The following C1orf21 variants were observed in gnomAD, a reference collection of about 807,000 sequenced individuals.
C1orf21 encodes chromosome 1 open reading frame 21, also known as uncharacterized protein C1orf21.
C1orf21 carries 3 observed loss-of-function variants against 18.7 expected under a neutral mutation model. That is an observed-to-expected ratio of 0.16 (90% CI 0.07 to 0.42). The LOEUF is 0.42. Among genes scored for constraint, C1orf21 ranks in the 10% least tolerant of loss-of-function variants. The pLI is 0.99. For synonymous variants in C1orf21, 41 were observed against 46.4 expected (o/e 0.88, Z 0.47); for missense variants, 104 against 143.6 (o/e 0.72, Z 1.41).
intron 3 of C1orf21, among the ~76,000 whole-genome samples, chr1:184,534,958 A>T (rs1335676387): frequency 1.3e-5 from 2 of 152,108 alleles, no homozygotes; most frequent in South Asian, 2.1e-4. Flanking sequence ...GGCAGCAAAG[A>T]GGAGCAGTGA....
intron 3 of C1orf21, among the ~76,000 whole-genome samples, chr1:184,586,600 G>A (rs1659357721): frequency 6.6e-6 from 1 of 152,010 alleles, no homozygotes; most frequent in Non-Finnish European, 1.5e-5. Flanking sequence ...CTTTTTAATG[G>A]GGGTTGTTTG....
chr1:184,428,377 A>T (rs911523273), intron 1 of C1orf21, among the ~76,000 whole-genome samples: 2 of 152,338 alleles, frequency 1.3e-5, no homozygotes, highest in South Asian at 4.1e-4. Context: ...GAGGAAGAGG[A>T]TAGGAGGCAG....
chr1:184,507,034 G>T (rs1658073601), intron 2 of C1orf21, among the ~76,000 whole-genome samples: 1 of 151,018 alleles, frequency 6.6e-6, no homozygotes, highest in Admixed American at 6.6e-5. Context: ...TGAAATAATT[G>T]CAGACTGCTA....
rs1656433476 is a variant in C1orf21, at chr1:184,415,401, T to A, written c.-125+28033T>A. Among the ~76,000 whole-genome samples the A allele has an allele frequency of 2.6e-5, 4 of 152,166 alleles. No homozygotes were observed. The South Asian group carries it at 8.3e-4, about 32-fold the overall frequency. On this transcript the variant is annotated intron_variant, in intron 1 of 5. Transcript: ENST00000235307. Reference sequence around the variant, plus strand: ...TCTAGGAAGATAATTGAAGCAACAGTTCCTGGGTTTTACTAACAGATAATC... The same window carrying A: ...TCTAGGAAGATAATTGAAGCAACAGATCCTGGGTTTTACTAACAGATAATC...
At position 184,410,638 on chromosome 1, in the gene C1orf21, TATATATATATATATATATA is replaced by T. The variant is rs1557964993; in HGVS notation, c.-125+23271_-125+23289del. Among the ~76,000 whole-genome samples the T allele has an allele frequency of 2.6e-3, 11 of 4,158 alleles. 3 individuals are homozygous for T. The highest frequency in any genetic ancestry group is 0.022 in the African/African-American group (4 of 178). The allele number at this position is 4,158 out of a possible 152,430, so 2.7% of individuals were successfully genotyped here. On this transcript the variant is annotated intron_variant, in intron 1 of 5. Transcript: ENST00000235307. Reference sequence around the variant, plus strand: ...TATATTATATATATATATATATATATATATATATATATATATATATATATATTTTTTTTTTTTTTTTTTG... The same window carrying T: ...TATATTATATATATATATATATATATTATATATTTTTTTTTTTTTTTTTTG...
At chr1:184,550,379 A>G (rs1012908109) in intron 3 of C1orf21, among the ~76,000 whole-genome samples, 16 of 152,210 alleles carry the variant, frequency 1.1e-4, no homozygotes, top group African/African-American at 2.2e-4. Flanking sequence ...TTATAATACT[A>G]TTTAGAACAC....
intron 3 of C1orf21, among the ~76,000 whole-genome samples, chr1:184,544,427 C>A (rs1219099049): frequency 1.3e-5 from 2 of 152,142 alleles, no homozygotes; most frequent in African/African-American, 4.8e-5. Context: ...TCAAAGCAAT[C>A]AGATGCCATT....
chr1:184,439,686 C>T lies in C1orf21; in HGVS notation c.-124-37700C>T, dbSNP rs1288568896. On this transcript the variant is annotated intron_variant, in intron 1 of 5. Transcript: ENST00000235307. Reference sequence around the variant, plus strand: ...TACATTATGGCTGGGCACAGTGGCTCACGCCTGTAATCCCAGCAATTTGGG... The same window carrying T: ...TACATTATGGCTGGGCACAGTGGCTTACGCCTGTAATCCCAGCAATTTGGG... 2.6e-5 allele frequency among the ~76,000 whole-genome samples: 4 copies of T among 152,286 alleles called. No homozygotes were observed. The East Asian group carries it at 7.7e-4, about 29-fold the overall frequency.
At chr1:184,533,806 G>A (rs1032847229) in intron 3 of C1orf21, among the ~76,000 whole-genome samples, 5 of 152,342 alleles carry the variant, frequency 3.3e-5, no homozygotes, top group African/African-American at 9.6e-5. Context: ...GGGCTGGGGA[G>A]TGGGCAGTGA....
chr1:184,485,556 G>A (rs1354869441), intron 2 of C1orf21, among the ~76,000 whole-genome samples: 3 of 152,160 alleles, frequency 2.0e-5, no homozygotes, highest in Non-Finnish European at 4.4e-5. Flanking sequence ...AAAGGAGTTT[G>A]ATGGAGGCAG....
intron 5 of C1orf21, among the ~76,000 whole-genome samples, chr1:184,610,514 C>T (rs1456013637): frequency 6.6e-6 from 1 of 152,128 alleles, no homozygotes; most frequent in Admixed American, 6.6e-5. Context: ...TGAAGTCATC[C>T]AAGTGCCAGC....
intron 3 of C1orf21, among the ~76,000 whole-genome samples, chr1:184,541,737 G>T (rs1454749333): frequency 6.6e-6 from 1 of 152,198 alleles, no homozygotes; most frequent in Non-Finnish European, 1.5e-5. Flanking sequence ...GCACTCCAGA[G>T]GGAAAGCTCA....
chr1:184,423,106 A>C (rs939789815), intron 1 of C1orf21, among the ~76,000 whole-genome samples: 2 of 152,220 alleles, frequency 1.3e-5, no homozygotes, highest in African/African-American at 2.4e-5. Context: ...CAAGGAGACA[A>C]TGTGTATCGG....
At chr1:184,498,440 T>G (rs1657925963) in intron 2 of C1orf21, among the ~76,000 whole-genome samples, 1 of 152,160 alleles carries the variant, frequency 6.6e-6, no homozygotes, top group African/African-American at 2.4e-5. Context: ...CAGAAGGCAG[T>G]CACACAAATG....
intron 3 of C1orf21, among the ~76,000 whole-genome samples, chr1:184,545,425 A>G (rs1658714823): frequency 6.6e-6 from 1 of 152,148 alleles, no homozygotes; most frequent in Non-Finnish European, 1.5e-5. Flanking sequence ...GGTGTAGCAT[A>G]TATTTTTTTT....
intron 5 of C1orf21, among the ~76,000 whole-genome samples, chr1:184,618,717 C>T (rs187252255): frequency 6.9e-6 from 1 of 144,688 alleles, no homozygotes; most frequent in South Asian, 2.2e-4. Context: ...ATAATAATAA[C>T]ACCTGACTTT....
chr1:184,531,438 T>A lies in C1orf21; in HGVS notation c.189+23756T>A, dbSNP rs1252901638. ...TAATGTTTACTATATGCAGTGATGA[T>A]CTTATTTTGTCTCTCATAGAATGAG... On this transcript the variant is annotated intron_variant, in intron 3 of 5. Coordinates refer to ENST00000235307, the MANE Select transcript of C1orf21 (RefSeq NM_030806.4). 2.0e-5 allele frequency among the ~76,000 whole-genome samples: 3 copies of A among 152,194 alleles called. No homozygotes were observed. In the East Asian group the frequency reaches 5.8e-4, roughly 29 times the overall value.
chr1:184,450,722 G>T (rs1396980098), intron 1 of C1orf21, among the ~76,000 whole-genome samples: 2 of 152,184 alleles, frequency 1.3e-5, no homozygotes, highest in African/African-American at 4.8e-5. Context: ...AATTTATGTG[G>T]CTGAAAGGCT....
At chr1:184,571,158 G>A (rs994121139) in intron 3 of C1orf21, among the ~76,000 whole-genome samples, 7 of 151,290 alleles carry the variant, frequency 4.6e-5, no homozygotes, top group South Asian at 2.1e-4. Flanking sequence ...TTAGCCGGGC[G>A]TAGTGGCGGG....
Sources: allele counts gnomAD v4.1 joint callset (sites outside exome capture counted in the v4.1 genomes callset), GRCh38; gene constraint gnomAD v4.1.1; transcripts MANE v1.5; gene names NCBI Gene and HGNC (gene_info 2026-07-23, HGNC 2026-07-21).